The following STT3A variants were observed in gnomAD, a reference collection of about 807,000 sequenced individuals.
STT3A encodes STT3 oligosaccharyltransferase complex catalytic subunit A, also known as dolichyl-diphosphooligosaccharide--protein glycosyltransferase subunit STT3A.
Under a neutral mutation model 89.2 loss-of-function variants are expected in STT3A, and 34 were observed. The observed-to-expected ratio is 0.38, with a 90% CI of 0.29 to 0.51. The LOEUF is 0.51. STT3A is among the 20% of genes least tolerant of loss of function. STT3A has a pLI of 0.89. For synonymous variants in STT3A, 282 were observed against 310.3 expected, an observed-to-expected ratio of 0.91 and a Z score of 0.96; for missense variants, 555 against 889.5, an observed-to-expected ratio of 0.62 and a Z score of 4.78.
chr11:125,597,077 T>G lies in STT3A; in HGVS notation c.107T>G (p.Phe36Cys). ...TTTGCAGCCTTCTCCACTCGTCTGT[T>G]TGCTGTCCTGAGATTTGAAAGTGTT... ...AAVLSFSTRL[F>C]AVLRFESVIH... is the part of the protein sequence containing the mutation. Residue 36 changes from phenylalanine to cysteine, a missense_variant, in exon 3 of 18, where the codon TTT becomes TGT. This residue lies in a region of STT3A where 129 missense variants were observed against 193.2 expected (regional missense o/e 0.67). Coordinates refer to ENST00000392708, the MANE Select transcript of STT3A (RefSeq NM_152713.5). 1 of 1,614,108 alleles carries G rather than the reference T, an allele frequency of 6.2e-7. No individual in the cohort carries two copies. Among genetic ancestry groups the G allele is most frequent in the Non-Finnish European group, 8.5e-7 (1 of 1,180,026 alleles).
rs1437798758 is a variant in STT3A, at chr11:125,615,202, G to C, written c.1774+776G>C. The stretch of plus-strand genomic sequence containing the variant: ...GAATCGCTTGAACTCGGGAGGGAGA[G>C]GTTGCAGTGGGCTGACATTGCGCCA... On this transcript the variant is annotated intron_variant, in intron 15 of 17. Coordinates refer to ENST00000392708, the MANE Select transcript of STT3A (RefSeq NM_152713.5). 2.0e-5 allele frequency among the ~76,000 whole-genome samples: 3 copies of C among 152,210 alleles called. No individual in the cohort carries two copies. In the East Asian group the frequency reaches 5.8e-4, roughly 29 times the overall value.
chr11:125,619,141 C>T (rs532123009), intron 16 of STT3A, among the ~76,000 whole-genome samples: 97 of 152,242 alleles, frequency 6.4e-4, no homozygotes, highest in Non-Finnish European at 1.1e-3. Context: ...CCTCCACCTC[C>T]CCGGTTCAAG....
At chr11:125,598,434 A>T (rs1446939141) in intron 3 of STT3A, among the ~76,000 whole-genome samples, 1 of 152,166 alleles carries the variant, frequency 6.6e-6, no homozygotes. Flanking sequence ...TAAAAATAGT[A>T]TATTCAATCT....
chr11:125,604,178 G>A lies in STT3A; in HGVS notation c.439G>A (p.Ala147Thr). 6.2e-7 allele frequency: 1 copy of A among 1,613,974 alleles called. No individual in the cohort carries two copies. The highest frequency in any genetic ancestry group is 8.5e-7 in the Non-Finnish European group (1 of 1,179,940). The change falls in exon 6 of 18, where the codon GCT (alanine) becomes ACT (threonine). Residue 147 changes from alanine to threonine, a missense_variant. Transcript: ENST00000392708. ...ELKDAGAGLL[A>T]AAMIAVVPGY... ...ACAGGATGCAGGGGCTGGGCTTCTT[G>A]CTGCTGCCATGATTGCTGTAGTTCC...
intron 8 of STT3A, 138 bp from the exon 9 acceptor site, chr11:125,607,971 T>G: frequency 1.2e-6 from 1 of 805,684 alleles, no homozygotes; most frequent in Non-Finnish European, 1.9e-6. Flanking sequence ...AACCCTTCCC[T>G]AGATTGGCCC....
chr11:125,595,735 A>G, intron 1 of STT3A, 146 bp from the exon 2 acceptor site: 1 of 570,562 alleles, frequency 1.8e-6, no homozygotes, highest in South Asian at 2.3e-5. Flanking sequence ...ACTTTAGGCC[A>G]GGCTTGGATA....
chr11:125,609,027 T>G (rs139252074), intron 9 of STT3A, among the ~76,000 whole-genome samples: 41 of 152,354 alleles, frequency 2.7e-4, no homozygotes, highest in African/African-American at 8.7e-4. Context: ...CAAATTTTCC[T>G]TCTTTTTCTC....
At position 125,602,790 on chromosome 11, in the gene STT3A, C is replaced by T. The variant is rs1256711454; in HGVS notation, c.272-13C>T. ...GTAAGACAACCTAATGGAGTTTCTTCTTCCTGTTACAGGTTTAATGATCAC... is the reference window on the plus strand; with the variant it reads ...GTAAGACAACCTAATGGAGTTTCTTTTTCCTGTTACAGGTTTAATGATCAC... On this transcript the variant is annotated splice_polypyrimidine_tract_variant and intron_variant, in intron 4 of 17. Coordinates refer to ENST00000392708, the MANE Select transcript of STT3A (RefSeq NM_152713.5). 3 of 1,614,050 alleles carry T rather than the reference C, an allele frequency of 1.9e-6. No individual in the cohort carries two copies. Among genetic ancestry groups the T allele is most frequent in the Non-Finnish European group, 2.5e-6 (3 of 1,179,970 alleles).
Position 125,618,278 on chromosome 11 carries a change from T to TA in STT3A, c.1775-88dup. ...AGAGTTAAATGATACCAATCCCCATTAAAAAAATGTTGAGGAATTTTCTTA... is the reference window on the plus strand; with the variant it reads ...AGAGTTAAATGATACCAATCCCCATTAAAAAAAATGTTGAGGAATTTTCTTA... On this transcript the variant is annotated intron_variant, in intron 15 of 17. Transcript: ENST00000392708. The TA allele has an allele frequency of 4.2e-6, 5 of 1,191,032 alleles. No homozygotes were observed. The South Asian group carries it at 5.0e-5, about 12-fold the overall frequency. The allele number at this position is 1,191,032 out of a possible 1,614,324, so 73.8% of individuals were successfully genotyped here. A position where few individuals can be genotyped will look rare whatever the true frequency, so the allele number is the denominator to read the frequency against.
In STT3A at chr11:125,614,368, G is replaced by C; in HGVS notation, c.1716G>C (p.Glu572Asp). The change falls in exon 15 of 18, where the codon GAG (glutamate) becomes GAC (aspartate). Residue 572 changes from glutamate (E) to aspartate (D), a missense_variant. By Grantham distance (45) the Glu-to-Asp change is conservative (BLOSUM62 2). Around this residue, in one of 5 missense-constraint regions of STT3A, gnomAD observed 273 missense variants for 449.8 expected, o/e 0.61. Transcript: ENST00000392708. This position sits in a 1 kb window ranked among gnomAD's most constrained non-coding sequence, Gnocchi z 4.9. The stretch of plus-strand genomic sequence containing the variant: ...AAAAAGCCTATGAGATCATGAGGGA[G>C]CTCGATGTCAGCTATGTGCTGGTCA... ...TEEKAYEIMR[E>D]LDVSYVLVIF... 6.2e-7 allele frequency: 1 copy of C among 1,614,134 alleles called. No homozygotes were observed. Among genetic ancestry groups the C allele is most frequent in the South Asian group, 1.1e-5 (1 of 91,074 alleles).
chr11:125,608,190 A>G lies in STT3A; in HGVS notation c.862A>G (p.Ser288Gly). 1.2e-6 allele frequency: 2 copies of G among 1,614,236 alleles called. No homozygotes were observed. Among genetic ancestry groups the G allele is most frequent in the Non-Finnish European group, 1.7e-6 (2 of 1,180,040 alleles). Residue 288 changes from serine to glycine, a missense_variant, in exon 9 of 18, where the codon AGC (serine) becomes GGC (glycine). Ser to Gly is a moderately conservative substitution (Grantham distance 56). Coordinates refer to ENST00000392708, the MANE Select transcript of STT3A (RefSeq NM_152713.5). ...CCATGCCTTTGTGGATTACCTGCGC[A>G]GCAAGTTGAATCCACAACAATTTGA... ...QIHAFVDYLR[S>G]KLNPQQFEVL...
intron 15 of STT3A, among the ~76,000 whole-genome samples, chr11:125,615,417 A>G (rs1339614196): frequency 6.6e-6 from 1 of 152,172 alleles, no homozygotes; most frequent in Admixed American, 6.6e-5. Context: ...AATACTGTGT[A>G]TACAGTTTCC....
At chr11:125,609,367 G>C (rs1591376696) in intron 9 of STT3A, 67 bp from the exon 10 acceptor site, 2 of 1,475,912 alleles carry the variant, frequency 1.4e-6, no homozygotes, top group Non-Finnish European at 1.8e-6. Flanking sequence ...GGGAAGTTGT[G>C]ATTCATTTGG....
chr11:125,595,777 T>C (rs1939474145), intron 1 of STT3A, 104 bp from the exon 2 acceptor site: 1 of 634,494 alleles, frequency 1.6e-6, no homozygotes, highest in Non-Finnish European at 2.8e-6. Flanking sequence ...TCTGGTGTTT[T>C]TGCTAGCTCC....
intron 4 of STT3A, 58 bp downstream of exon 4, chr11:125,602,482 A>G (rs1939714834): frequency 1.4e-6 from 2 of 1,471,802 alleles, no homozygotes; most frequent in Non-Finnish European, 1.8e-6. Flanking sequence ...TTTGTATGCT[A>G]GAGAACCAGT....
At chr11:125,591,977 C>A, upstream of STT3A, 1 of 161,286 alleles carries the variant, frequency 6.2e-6, no homozygotes, top group Non-Finnish European at 1.4e-5. Flanking sequence ...GGTCGGGGAG[C>A]GCGTGGGGTG....
intron 3 of STT3A, 65 bp from the exon 4 acceptor site, chr11:125,602,238 C>G: frequency 6.4e-7 from 1 of 1,550,594 alleles, no homozygotes; most frequent in South Asian, 1.2e-5. Context: ...CTGAATTTCT[C>G]AATGGTGTAT....
At chr11:125,604,323 T>G in intron 6 of STT3A, 76 bp downstream of exon 6, 1 of 1,435,514 alleles carries the variant, frequency 7.0e-7, no homozygotes, top group African/African-American at 1.4e-5. Flanking sequence ...CAGTCTATGG[T>G]TTAGCAATAA....
At chr11:125,612,159 A>G (rs373119120) in intron 11 of STT3A, among the ~76,000 whole-genome samples, 18 of 152,162 alleles carry the variant, frequency 1.2e-4, no homozygotes, top group Non-Finnish European at 1.9e-4. Flanking sequence ...TACAGGCGTG[A>G]GCCACTGAGA....
Sources: gnomAD v4.1 joint callset for allele counts (sites outside exome capture counted in the v4.1 genomes callset) on GRCh38, gnomAD v4.1.1 for gene constraint, gnomAD v4.1.1 regional missense constraint, Gnocchi (gnomAD v3.1) non-coding constraint, MANE v1.5 for transcripts, NCBI Gene and HGNC (gene_info 2026-07-23, HGNC 2026-07-21) for gene names.